The following P3H3 variants were observed in gnomAD, a reference collection of about 807,000 sequenced individuals.
P3H3 encodes the protein prolyl 3-hydroxylase 3.
A neutral mutation model predicts 78.1 loss-of-function variants in P3H3; 64 were observed. The ratio of observed to expected loss-of-function variants is 0.82; its 90% confidence interval spans 0.67 to 1.01. P3H3 has a LOEUF of 1.01. Among genes scored for constraint, P3H3 ranks in the 50% least tolerant of loss-of-function variants. P3H3 has a pLI of 0.00. For missense variants in P3H3, 975 were observed against 982.2 expected, an observed-to-expected ratio of 0.99 and a Z score of 0.10; for synonymous variants, 425 against 416.7, an observed-to-expected ratio of 1.02 and a Z score of -0.24.
rs782639535 is a variant in P3H3, at chr12:6,829,993, G to A, written c.633G>A (p.Leu211=). The A allele has an allele frequency of 6.2e-7, 1 of 1,613,912 alleles. No individual in the cohort carries two copies. The highest frequency in any genetic ancestry group is 1.1e-5 in the South Asian group (1 of 91,086). The change falls in exon 2 of 15, where the codon CTG becomes CTA. Residue 211 remains leucine, a synonymous_variant. Coordinates refer to ENST00000290510, the MANE Select transcript of P3H3 (RefSeq NM_014262.5). This position sits in a 1 kb window ranked among gnomAD's most constrained non-coding sequence, Gnocchi z 5.1. ...SGVRPQSFRD[L]ETPPHWAAYD... is the part of the protein sequence containing the mutation. ...TTCGGCCCCAGAGCTTCCGGGACCT[G>A]GAGACGCCCCCACACTGGGTGAGAA...
At position 6,833,724 on chromosome 12, in the gene P3H3, G is replaced by T; in HGVS notation, c.1266-18G>T. ...GGACTGTCCTGGGCACCCACTGAGC[G>T]CATCTCTCACCCCTGAGAGAGGATC... On this transcript the variant is annotated intron_variant, in intron 7 of 14. Coordinates refer to ENST00000290510, the MANE Select transcript of P3H3 (RefSeq NM_014262.5). The T allele has an allele frequency of 1.3e-6, 2 of 1,598,482 alleles. No homozygotes were observed. The highest frequency in any genetic ancestry group is 1.7e-6 in the Non-Finnish European group (2 of 1,165,910).
intron 10 of P3H3, 161 bp from the exon 11 acceptor site, chr12:6,837,262 G>A (rs1037706463): frequency 9.1e-7 from 1 of 1,101,636 alleles, no homozygotes; most frequent in African/African-American, 1.6e-5. Context: ...CGGGGTTGTT[G>A]TCATGGAGAG....
At chr12:6,836,235 G>A (rs115333537) in intron 9 of P3H3, among the ~76,000 whole-genome samples, 23 of 142,422 alleles carry the variant, frequency 1.6e-4, no homozygotes, top group South Asian at 8.9e-4. Flanking sequence ...AACAAAAAAT[G>A]AAAAAAAAAA....
chr12:6,837,632 G>C (rs1487818896), intron 11 of P3H3, 59 bp downstream of exon 11: 3 of 1,582,014 alleles, frequency 1.9e-6, no homozygotes, highest in Non-Finnish European at 2.6e-6. Flanking sequence ...CCAGGACACT[G>C]CCCCCAAGAG....
Position 6,830,393 on chromosome 12 carries a change from A to G in P3H3, c.692A>G (p.Glu231Gly). ...GGCCTGGAGCTACTGGGGCGCCAGG[A>G]GGCAGGACTGGCACTGCCCAGGCTA... ...DTGLELLGRQ[E>G]AGLALPRLEE... The change falls in exon 3 of 15, where the codon GAG (glutamate) becomes GGG (glycine). Residue 231 changes from glutamate to glycine, a missense_variant. Transcript: ENST00000290510. 2 of 1,589,312 alleles carry G rather than the reference A, an allele frequency of 1.3e-6. No homozygotes were observed. The highest frequency in any genetic ancestry group is 1.1e-5 in the South Asian group (1 of 87,166).
rs1943511092 is a variant in P3H3, at chr12:6,837,516, C to T, written c.1654C>T (p.Pro552Ser). The T allele has an allele frequency of 6.2e-7, 1 of 1,611,834 alleles. No homozygotes were observed. The highest frequency in any genetic ancestry group is 8.5e-7 in the Non-Finnish European group (1 of 1,179,126). The change falls in exon 11 of 15, where the codon CCG (proline) becomes TCG (serine). Residue 552 changes from proline (P) to serine (S), a missense_variant. Transcript: ENST00000290510. ...VRTLTQAYFS[P>S]ERPLHLSFTH... ...GACCTTGACCCAGGCCTACTTCTCC[C>T]CGGAACGGCCCCTGCATCTGTCCTT...
In P3H3 at chr12:6,839,587, C is replaced by T; in HGVS notation, c.*126C>T. ...ACAGCAAGCTCTCTGTCCCTGCACC[C>T]CCACCATCTTGGGGACCTACAAGGG... On this transcript the variant is annotated 3_prime_UTR_variant, in exon 15 of 15. Coordinates refer to ENST00000290510, the MANE Select transcript of P3H3 (RefSeq NM_014262.5). 1 of 1,167,710 alleles carries T rather than the reference C, an allele frequency of 8.6e-7. No individual in the cohort carries two copies. The highest frequency in any genetic ancestry group is 2.6e-5 in the Admixed American group (1 of 37,976). The allele number at this position is 1,167,710 out of a possible 1,614,324, so 72.3% of individuals were successfully genotyped here. A position where few individuals can be genotyped will look rare whatever the true frequency, so the allele number is the denominator to read the frequency against.
chr12:6,830,831 C>G lies in P3H3; in HGVS notation c.985+61C>G, dbSNP rs1335148076. On this transcript the variant is annotated intron_variant, in intron 4 of 14. Transcript: ENST00000290510. ...TTTGCCTCTGCTGCTATCCTGAGCT[C>G]CATCTCTCTATCCCTCCCATCTGTC... 5 of 1,600,678 alleles carry G rather than the reference C, an allele frequency of 3.1e-6. No individual in the cohort carries two copies. The African/African-American group carries it at 6.7e-5, about 21-fold the overall frequency.
In P3H3 at chr12:6,837,782, T is replaced by A. The variant is rs782522423; in HGVS notation, c.1762T>A (p.Cys588Ser). The A allele has an allele frequency of 5.6e-6, 9 of 1,613,496 alleles. No individual in the cohort carries two copies. The highest frequency in any genetic ancestry group is 6.8e-6 in the Non-Finnish European group (8 of 1,179,736). ...GAGTCACCCAGTGCACGCAGACAAC[T>A]GCGTCCTGGACCCTGACACGGGAGA... The part of the protein sequence containing the change: ...DLSHPVHADN[C>S]VLDPDTGECW... Residue 588 changes from cysteine to serine, a missense_variant, in exon 12 of 15, where the codon TGC becomes AGC. By Grantham distance (112) the Cys-to-Ser change is moderately radical. Coordinates refer to ENST00000290510, the MANE Select transcript of P3H3 (RefSeq NM_014262.5).
Position 6,829,383 on chromosome 12 carries a change from C to G in P3H3, c.498+445C>G, listed in dbSNP as rs1943422242. 1 of 224,828 alleles carries G rather than the reference C, an allele frequency of 4.4e-6. No individual in the cohort carries two copies. The highest frequency in any genetic ancestry group is 2.3e-5 in the African/African-American group (1 of 42,598). The allele number at this position is 224,828 out of a possible 1,614,324, so 13.9% of individuals were successfully genotyped here. Reference sequence around the variant, plus strand: ...AGACGGAGGCAAGGTTGGGGTCCTCCGAGGCCAGACCTCTGCGGGCGGGGA... The same window carrying G: ...AGACGGAGGCAAGGTTGGGGTCCTCGGAGGCCAGACCTCTGCGGGCGGGGA... On this transcript the variant is annotated intron_variant, in intron 1 of 14. Coordinates refer to ENST00000290510, the MANE Select transcript of P3H3 (RefSeq NM_014262.5). This position sits in a 1 kb window ranked among gnomAD's most constrained non-coding sequence, Gnocchi z 5.1.
Position 6,829,802 on chromosome 12 carries a change from G to GCAGAGGT in P3H3, c.499-55_499-49dup. 1 of 1,601,680 alleles carries GCAGAGGT rather than the reference G, an allele frequency of 6.2e-7. No individual in the cohort carries two copies. Among genetic ancestry groups the GCAGAGGT allele is most frequent in the Non-Finnish European group, 8.5e-7 (1 of 1,170,450 alleles). ...GTAGGGTGGGGAGGCTGGCCAGGGG[G>GCAGAGGT]CAGAGGTCTGCCCCCCGTCCCAGGG... On this transcript the variant is annotated intron_variant, in intron 1 of 14. Transcript: ENST00000290510. This position sits in a 1 kb window ranked among gnomAD's most constrained non-coding sequence, Gnocchi z 5.1.
chr12:6,833,900 C>T (rs1555121779), intron 8 of P3H3, 25 bp from the exon 9 acceptor site: 2 of 1,614,002 alleles, frequency 1.2e-6, no homozygotes, highest in South Asian at 2.2e-5. Context: ...GCTCAGCCCC[C>T]TCTGCTCTGT....
Position 6,839,124 on chromosome 12 carries a change from C to T in P3H3, c.2030C>T (p.Pro677Leu), listed in dbSNP as rs1943532518. 1 of 1,604,346 alleles carries T rather than the reference C, an allele frequency of 6.2e-7. No individual in the cohort carries two copies. The highest frequency in any genetic ancestry group is 1.1e-5 in the South Asian group (1 of 90,516). ...CTGGCACTGTGGCACACGTGGGCAC[C>T]TGAGCACAGGGAGCAGGTAAGGAGC... ...CALALWHTWA[P>L]EHREQEWIEA... Residue 677 changes from proline to leucine, a missense_variant, in exon 14 of 15, where the codon CCT becomes CTT. Coordinates refer to ENST00000290510, the MANE Select transcript of P3H3 (RefSeq NM_014262.5).
chr12:6,833,066 C>A (rs1943464882), intron 6 of P3H3, among the ~76,000 whole-genome samples: 1 of 151,842 alleles, frequency 6.6e-6, no homozygotes, highest in African/African-American at 2.4e-5. Flanking sequence ...TCCCAGCTAC[C>A]TGGGATGCTG....
At chr12:6,836,888 C>G (rs1194399640) in intron 9 of P3H3, 97 bp from the exon 10 acceptor site, 3 of 827,058 alleles carry the variant, frequency 3.6e-6, no homozygotes, top group Middle Eastern at 2.3e-4. Context: ...CATCTAGCTT[C>G]TTCTGGAGAG....
chr12:6,830,781 G>A lies in P3H3; in HGVS notation c.985+11G>A. The A allele has an allele frequency of 1.2e-6, 2 of 1,613,496 alleles. No homozygotes were observed. Among genetic ancestry groups the A allele is most frequent in the South Asian group, 1.1e-5 (1 of 91,074 alleles). ...AGGCCCATGCTCAGGGTCAGTTGGGGAAGGGTGGAAACGGGGAGTGAAGAT... is the reference window on the plus strand; with the variant it reads ...AGGCCCATGCTCAGGGTCAGTTGGGAAAGGGTGGAAACGGGGAGTGAAGAT... On this transcript the variant is annotated intron_variant, in intron 4 of 14. Coordinates refer to ENST00000290510, the MANE Select transcript of P3H3 (RefSeq NM_014262.5).
At position 6,830,768 on chromosome 12, in the gene P3H3, A is replaced by G. The variant is rs782501747; in HGVS notation, c.983A>G (p.Gln328Arg). 2 of 1,613,946 alleles carry G rather than the reference A, an allele frequency of 1.2e-6. No homozygotes were observed. Among genetic ancestry groups the G allele is most frequent in the Non-Finnish European group, 1.7e-6 (2 of 1,179,864 alleles). The change falls in exon 4 of 15, where the codon CAG becomes CGG. Residue 328 changes from glutamine to arginine, a missense_variant and splice_region_variant. Gln to Arg is a conservative substitution (Grantham distance 43, BLOSUM62 1). Coordinates refer to ENST00000290510, the MANE Select transcript of P3H3 (RefSeq NM_014262.5). ...QLRRLHEAHA[Q>R]VGNLSQAIEN... Reference sequence around the variant, plus strand: ...AGGCGGCTACATGAGGCCCATGCTCAGGGTCAGTTGGGGAAGGGTGGAAAC... The same window carrying G: ...AGGCGGCTACATGAGGCCCATGCTCGGGGTCAGTTGGGGAAGGGTGGAAAC...
In P3H3 at chr12:6,836,875, G is replaced by C. The variant is rs16932931; in HGVS notation, c.1459-110G>C. ...AAGACGAGCCACAACAGAACTGTGG[G>C]AGCATCTAGCTTCTTCTGGAGAGCG... On this transcript the variant is annotated intron_variant, in intron 9 of 14. Transcript: ENST00000290510. 7.9e-3 allele frequency: 5,728 copies of C among 726,568 alleles called. 218 individuals carry two copies. In the African/African-American group the frequency reaches 0.087, roughly 11 times the overall value. The allele number at this position is 726,568 out of a possible 1,614,324, so 45.0% of individuals were successfully genotyped here.
At position 6,831,313 on chromosome 12, in the gene P3H3, C is replaced by G. The variant is rs1555121390; in HGVS notation, c.1083C>G (p.Ala361=). The G allele has an allele frequency of 1.9e-6, 3 of 1,613,756 alleles. No individual in the cohort carries two copies. The African/African-American group carries it at 4.0e-5, about 22-fold the overall frequency. Residue 361 remains alanine (A), a synonymous_variant, in exon 5 of 15, where the codon GCC becomes GCG. Coordinates refer to ENST00000290510, the MANE Select transcript of P3H3 (RefSeq NM_014262.5). This position sits in a 1 kb window ranked among gnomAD's most constrained non-coding sequence, Gnocchi z 4.6. ...AAKRALNQYQ[A]QLGEPRPGLG... ...AGAGGGCTCTGAACCAGTACCAGGC[C>G]CAGCTGGGAGAGCCGAGACCTGGCC...
Sources: gnomAD v4.1 joint callset for allele counts (sites outside exome capture counted in the v4.1 genomes callset) on GRCh38, gnomAD v4.1.1 for gene constraint, Gnocchi (gnomAD v3.1) non-coding constraint, MANE v1.5 for transcripts, NCBI Gene and HGNC (gene_info 2026-07-23, HGNC 2026-07-21) for gene names.